The following HGFAC variants were observed in gnomAD, a reference collection of about 807,000 sequenced individuals.
The protein encoded by HGFAC is hepatocyte growth factor activator serine protease.
A neutral mutation model predicts 70.6 loss-of-function variants in HGFAC; 76 were observed. That is an observed-to-expected ratio of 1.08 (90% CI 0.89 to 1.30). The LOEUF (loss-of-function observed/expected upper bound fraction) is 1.30. HGFAC is among the 50% of genes most tolerant of loss of function. The pLI is 0.00. For synonymous variants in HGFAC, 464 were observed against 405.3 expected (o/e 1.14, Z -1.74); for missense variants, 1,044 against 933.7 (o/e 1.12, Z -1.54).
chr4:3,444,198 G>A (rs989384328), intron 5 of HGFAC, 37 bp downstream of exon 5: 1 of 1,571,274 alleles, frequency 6.4e-7, no homozygotes, highest in African/African-American at 1.4e-5. Flanking sequence ...GGGTCCAGGG[G>A]CCGGAGCAAG....
Position 3,449,335 on chromosome 4 carries a change from G to A in HGFAC, c.1884G>A (p.Pro628=), listed in dbSNP as rs1172650279. ...ACGGCTGCGGGCGGCTCCACAAGCC[G>A]GGGGTCTACACCCGCGTGGCCAACT... ...WGDGCGRLHK[P]GVYTRVANYV... is the part of the protein sequence containing the mutation. The change falls in exon 14 of 14, where the codon CCG becomes CCA. Residue 628 remains proline (P), a synonymous_variant. Transcript: ENST00000382774. 1.1e-5 allele frequency: 18 copies of A among 1,611,586 alleles called. No homozygotes were observed. The highest frequency in any genetic ancestry group is 3.3e-5 in the South Asian group (3 of 90,980).
upstream of HGFAC, chr4:3,441,891 C>T (rs1355301816): frequency 2.4e-5 from 14 of 589,188 alleles, no homozygotes; most frequent in Non-Finnish European, 3.0e-5. The surrounding 1 kb of genome is among the most constrained non-coding windows in gnomAD (Gnocchi z 6.0). Context: ...CGGCTGGGCC[C>T]GCCTGACGTG....
In HGFAC at chr4:3,445,863, C is replaced by A. The variant is rs2109299085; in HGVS notation, c.1103-179C>A. The A allele has an allele frequency of 1.9e-6, 3 of 1,541,550 alleles. No homozygotes were observed. The African/African-American group carries it at 4.1e-5, about 21-fold the overall frequency. ...CAGAGCCTCGGGATCGGGCATCAAA[C>A]CCCATTCTACAGATTTGGAAACTGA... On this transcript the variant is annotated intron_variant, in intron 9 of 13. Coordinates refer to ENST00000382774, the MANE Select transcript of HGFAC (RefSeq NM_001528.4).
Position 3,447,881 on chromosome 4 carries a change from A to C in HGFAC, c.1496-14A>C. On this transcript the variant is annotated splice_polypyrimidine_tract_variant and intron_variant, in intron 11 of 13. Coordinates refer to ENST00000382774, the MANE Select transcript of HGFAC (RefSeq NM_001528.4). ...CGCACACCACAGGCTGACCCTGGCC[A>C]CTCTTCTGATCAGTCCTGATCCGGC... 1 of 1,606,548 alleles carries C rather than the reference A, an allele frequency of 6.2e-7. No individual in the cohort carries two copies.
rs748080859 is a variant in HGFAC at position 3,448,126 on chromosome 4, AGAC to A, written c.1637_1639del (p.Asn546_Val547delinsMet). Reference sequence around the variant, plus strand: ...TCACGCTGAGGGCATTGTGTCCCACAGACGTGAGCGGCTACTCCAGCTCCCTGC... The same window carrying A: ...TCACGCTGAGGGCATTGTGTCCCACAGTGAGCGGCTACTCCAGCTCCCTGC... On this transcript the variant is annotated splice_acceptor_variant and coding_sequence_variant, in exon 13 of 14. Coordinates refer to ENST00000382774, the MANE Select transcript of HGFAC (RefSeq NM_001528.4). LOFTEE classifies it high-confidence loss of function. The A allele has an allele frequency of 1.3e-6, 2 of 1,588,334 alleles. No homozygotes were observed. The highest frequency in any genetic ancestry group is 3.5e-5 in the Admixed American group (2 of 56,708).
Position 3,447,499 on chromosome 4 carries a change from A to G in HGFAC, c.1363A>G (p.Arg455Gly). 6.2e-7 allele frequency: 1 copy of G among 1,612,510 alleles called. No individual in the cohort carries two copies. The highest frequency in any genetic ancestry group is 1.1e-5 in the South Asian group (1 of 91,046). Residue 455 changes from arginine (R) to glycine (G), a missense_variant, in exon 11 of 14, where the codon AGG (arginine) becomes GGG (glycine). By Grantham distance (125) the Arg-to-Gly change is moderately radical (BLOSUM62 -2). Transcript: ENST00000382774. Reference protein sequence around the residue: ...AAHCFSHSPPRDSVSVVLGQH... With the variant: ...AAHCFSHSPPGDSVSVVLGQH... ...CCAGCCCCCCTTGCACAGCCCCCCC[A>G]GGGACAGCGTCTCCGTGGTGCTGGG...
At position 3,449,436 on chromosome 4, in the gene HGFAC, C is replaced by G. The variant is rs770817808; in HGVS notation, c.*17C>G. 1 of 1,504,904 alleles carries G rather than the reference C, an allele frequency of 6.6e-7. No individual in the cohort carries two copies. The highest frequency in any genetic ancestry group is 8.9e-7 in the Non-Finnish European group (1 of 1,123,940). 93.2% of individuals were successfully genotyped at this position (1,504,904 alleles called of 1,614,324 possible). Reference sequence around the variant, plus strand: ...CCCTCCTGACCCTCCAGCGGGACACCCTGGTTCCCACCATTCCCTGCCTTG... The same window carrying G: ...CCCTCCTGACCCTCCAGCGGGACACGCTGGTTCCCACCATTCCCTGCCTTG... On this transcript the variant is annotated 3_prime_UTR_variant, in exon 14 of 14. Transcript: ENST00000382774.
chr4:3,447,812 C>T, intron 11 of HGFAC, 83 bp from the exon 12 acceptor site: 1 of 1,563,288 alleles, frequency 6.4e-7, no homozygotes, highest in East Asian at 2.3e-5. Flanking sequence ...ACCCCACTGG[C>T]TACCCTCCCT....
At chr4:3,443,002 T>A in intron 2 of HGFAC, 48 bp from the exon 3 acceptor site, 1 of 1,532,946 alleles carries the variant, frequency 6.5e-7, no homozygotes, top group Non-Finnish European at 8.9e-7. Context: ...CCTGAGGGGC[T>A]CGGGTGCCCC....
Position 3,445,271 on chromosome 4 carries a change from G to A in HGFAC, c.1023G>A (p.Pro341=), listed in dbSNP as rs1335717675. The change falls in exon 9 of 14, where the codon CCG becomes CCA. Residue 341 remains proline (P), a synonymous_variant. Transcript: ENST00000382774. ...CCCCACTTATGCACCGCAGGAATCCGGACAATGACGAGAGGCCCTGGTGCT... is the reference window on the plus strand; with the variant it reads ...CCCCACTTATGCACCGCAGGAATCCAGACAATGACGAGAGGCCCTGGTGCT... ...GLGPHAYCRN[P]DNDERPWCYV... 5.1e-6 allele frequency: 8 copies of A among 1,577,124 alleles called. No individual in the cohort carries two copies. The highest frequency in any genetic ancestry group is 2.4e-5 in the East Asian group (1 of 42,398).
intron 3 of HGFAC, 77 bp downstream of exon 3, chr4:3,443,223 C>T (rs1259355593): frequency 5.3e-6 from 7 of 1,329,664 alleles, no homozygotes; most frequent in South Asian, 2.9e-5. Flanking sequence ...GCCGGGCACA[C>T]AGTAGGCGCT....
rs1402930618 is a variant in HGFAC, at chr4:3,445,478, G to A, written c.1102+128G>A. On this transcript the variant is annotated intron_variant, in intron 9 of 13. Transcript: ENST00000382774. Reference sequence around the variant, plus strand: ...GACAAATGGGGAAACTGGAGCTCACGGGATCAGGCTGGTCCAAGGTCACGC... The same window carrying A: ...GACAAATGGGGAAACTGGAGCTCACAGGATCAGGCTGGTCCAAGGTCACGC... The A allele has an allele frequency of 1.4e-5, 10 of 732,130 alleles. No homozygotes were observed. In the South Asian group the frequency reaches 1.5e-4, roughly 11 times the overall value. 45.4% of individuals were successfully genotyped at this position (732,130 alleles called of 1,614,324 possible).
At chr4:3,444,583 C>T in intron 6 of HGFAC, 40 bp from the exon 7 acceptor site, 1 of 1,539,878 alleles carries the variant, frequency 6.5e-7, no homozygotes, top group Non-Finnish European at 8.8e-7. Flanking sequence ...TCGTGGGGCA[C>T]TGCGCGGCCC....
chr4:3,447,270 C>T (rs1209897494), intron 10 of HGFAC, among the ~76,000 whole-genome samples: 1 of 152,176 alleles, frequency 6.6e-6, no homozygotes, highest in Non-Finnish European at 1.5e-5. Context: ...CACCGCACTT[C>T]AGCTCCCATG....
In HGFAC at chr4:3,444,910, C is replaced by T; in HGVS notation, c.933C>T (p.Asn311=). 4 of 1,609,602 alleles carry T rather than the reference C, an allele frequency of 2.5e-6. No homozygotes were observed. Among genetic ancestry groups the T allele is most frequent in the East Asian group, 2.2e-5 (1 of 44,804 alleles). The change falls in exon 8 of 14, where the codon AAC becomes AAT. Residue 311 remains asparagine, a synonymous_variant. Transcript: ENST00000382774. ...SASGLSCLAW[N]SDLLYQELHV... is the part of the protein sequence containing the mutation. ...CGGGCCTCAGCTGCCTGGCCTGGAA[C>T]TCCGATCTGCTCTACCAGGAGCTGC...
chr4:3,445,807 G>C (rs115673416), intron 9 of HGFAC: 1 of 1,427,048 alleles, frequency 7.0e-7, no homozygotes, highest in Admixed American at 2.0e-5. Flanking sequence ...GGCCACAAAG[G>C]CCTCCGTGTG....
Position 3,444,690 on chromosome 4 carries a change from G to C in HGFAC, c.798G>C (p.Val266=). ...TGATCGTGGCCACCGGGACCACCGT[G>C]TGTGCCTGCCCACCAGGCTTCGCTG... ...CHLIVATGTT[V]CACPPGFAGR... is the part of the protein sequence containing the mutation. Residue 266 remains valine (V), a synonymous_variant, in exon 7 of 14, where the codon GTG becomes GTC. Transcript: ENST00000382774. The C allele has an allele frequency of 6.3e-7, 1 of 1,597,780 alleles. No homozygotes were observed. The highest frequency in any genetic ancestry group is 8.5e-7 in the Non-Finnish European group (1 of 1,178,594).
At position 3,445,009 on chromosome 4, in the gene HGFAC, C is replaced by T; in HGVS notation, c.1016+16C>T. 1 of 1,549,724 alleles carries T rather than the reference C, an allele frequency of 6.5e-7. No individual in the cohort carries two copies. Among genetic ancestry groups the T allele is most frequent in the South Asian group, 1.2e-5 (1 of 81,312 alleles). ...CCTACTGCCGGTCAGCACCACGCCG[C>T]TCCAGGCCGCCGCATGCGGGGCAGG... On this transcript the variant is annotated intron_variant, in intron 8 of 13. Transcript: ENST00000382774.
rs773025649 is a variant in HGFAC at position 3,444,170 on chromosome 4, GGCCTCGGAGGT to G, written c.598+10_598+20del. 5 of 1,598,222 alleles carry G rather than the reference GGCCTCGGAGGT, an allele frequency of 3.1e-6. No homozygotes were observed. Among genetic ancestry groups the G allele is most frequent in the South Asian group, 1.1e-5 (1 of 89,260 alleles). On this transcript the variant is annotated intron_variant, in intron 5 of 13. Coordinates refer to ENST00000382774, the MANE Select transcript of HGFAC (RefSeq NM_001528.4). ...CAAGGACTGCGGCACAGGTGAGCTG[GGCCTCGGAGGT>G]CCGCAGGGGTCCAGGGGCCGGAGCA...
Sources: allele counts gnomAD v4.1 joint callset (sites outside exome capture counted in the v4.1 genomes callset), GRCh38; gene constraint gnomAD v4.1.1; non-coding constraint Gnocchi (gnomAD v3.1); transcripts MANE v1.5; gene names NCBI Gene and HGNC (gene_info 2026-07-23, HGNC 2026-07-21).